The following MTM1 variants were observed in gnomAD, a reference collection of about 807,000 sequenced individuals.
The protein encoded by MTM1 is myotubularin 1, also known as myotubularin.
Under a neutral mutation model 52.1 loss-of-function variants are expected in MTM1, and 9 were observed. The ratio of observed to expected loss-of-function variants is 0.17; its 90% CI spans 0.10 to 0.30. The LOEUF (loss-of-function observed/expected upper bound fraction) is 0.30, where lower values mean the gene tolerates loss of function less well. Among genes scored for constraint, MTM1 ranks in the 10% least tolerant of loss-of-function variants. MTM1 has a pLI of 1.00. For missense variants in MTM1, 277 were observed against 470.7 expected (o/e 0.59, Z 3.81); for synonymous variants, 136 against 163.8 (o/e 0.83, Z 1.29).
chrX:150,641,767 G>C (rs2039853616), intron 8 of MTM1, among the ~76,000 whole-genome samples: 1 of 111,524 alleles, frequency 9.0e-6, no homozygotes, highest in Non-Finnish European at 1.9e-5. Flanking sequence ...ATAGGCTCTT[G>C]ATAAATGTCA....
chrX:150,590,163 A>G (rs1418994401), intron 1 of MTM1, among the ~76,000 whole-genome samples: 1 of 111,870 alleles, frequency 8.9e-6, no homozygotes, highest in African/African-American at 3.3e-5. Context: ...TCCAGCTTCT[A>G]TAATCTTCAG....
chrX:150,569,193 A>G (rs2038319098), intron 1 of MTM1, among the ~76,000 whole-genome samples: 1 of 113,440 alleles, frequency 8.8e-6, no homozygotes, highest in Non-Finnish European at 1.9e-5. Context: ...TCTGTGTCAT[A>G]CACGAGAGGT....
intron 5 of MTM1, among the ~76,000 whole-genome samples, chrX:150,618,560 A>G (rs1182632877): frequency 9.0e-6 from 1 of 111,206 alleles, no homozygotes; most frequent in Non-Finnish European, 1.9e-5. Flanking sequence ...AGGCTGAGGC[A>G]CGAGAATCCC....
intron 6 of MTM1, among the ~76,000 whole-genome samples, chrX:150,627,712 T>A (rs999280746): frequency 6.3e-5 from 7 of 111,770 alleles, no homozygotes; most frequent in African/African-American, 2.3e-4. Context: ...TGTGGGTGTG[T>A]CTTGTGATTA....
upstream of MTM1, among the ~76,000 whole-genome samples, chrX:150,566,176 C>G (rs2038260246): frequency 9.0e-6 from 1 of 111,548 alleles, no homozygotes; most frequent in Admixed American, 9.5e-5. Flanking sequence ...CACTCTGTCA[C>G]CCAGGCTGAA....
At chrX:150,595,297 C>T (rs2148429172) in intron 2 of MTM1, among the ~76,000 whole-genome samples, 1 of 110,889 alleles carries the variant, frequency 9.0e-6, no homozygotes. Context: ...CCCGTCTCTA[C>T]TCAAAATGCA....
chrX:150,606,838 C>G (rs1193555190), intron 4 of MTM1, among the ~76,000 whole-genome samples: 1 of 101,794 alleles, frequency 9.8e-6, no homozygotes, highest in Non-Finnish European at 2.0e-5. Context: ...CCCTTTCTTC[C>G]CTTCCTTCCC....
intron 6 of MTM1, among the ~76,000 whole-genome samples, chrX:150,619,479 A>G (rs189545546): frequency 8.9e-6 from 1 of 112,206 alleles, no homozygotes; most frequent in Non-Finnish European, 1.9e-5. Flanking sequence ...TATTTTTGAA[A>G]AGAATAACCT....
chrX:150,563,177 A>T, the MTM1 span, among the ~76,000 whole-genome samples: 2 of 110,254 alleles, frequency 1.8e-5, no homozygotes, highest in African/African-American at 6.6e-5. Context: ...CTCCCCTTCA[A>T]GACCCCAGTC....
chrX:150,653,166 CAG>C (rs1188593129), intron 10 of MTM1, among the ~76,000 whole-genome samples: 64 of 111,616 alleles, frequency 5.7e-4, no homozygotes, highest in African/African-American at 2.1e-3. Context: ...ATATCTGACT[CAG>C]GGCTTCTCAG....
At chrX:150,582,023 T>C (rs1453705693) in intron 1 of MTM1, among the ~76,000 whole-genome samples, 1 of 112,051 alleles carries the variant, frequency 8.9e-6, no homozygotes, top group African/African-American at 3.2e-5. Flanking sequence ...TATTTAACCT[T>C]TTTTATACAT....
upstream of MTM1, among the ~76,000 whole-genome samples, chrX:150,568,081 G>A (rs1557411287): frequency 8.9e-6 from 1 of 112,285 alleles, no homozygotes; most frequent in African/African-American, 3.2e-5. Context: ...TTGAGTTTGT[G>A]AATTGCAGAT....
intron 14 of MTM1, among the ~76,000 whole-genome samples, chrX:150,667,256 G>A (rs782590329): frequency 3.6e-5 from 4 of 111,423 alleles, no homozygotes; most frequent in Non-Finnish European, 7.5e-5. Flanking sequence ...AGCCAGACTG[G>A]CCTCTGCTCT....
chrX:150,605,370 A>T (rs986319879), intron 4 of MTM1, among the ~76,000 whole-genome samples: 1 of 112,389 alleles, frequency 8.9e-6, no homozygotes, highest in African/African-American at 3.2e-5. Context: ...AGGGTGAGAA[A>T]CATGTTGGAT....
intron 7 of MTM1, among the ~76,000 whole-genome samples, chrX:150,640,613 T>C (rs1557413824): frequency 2.7e-5 from 3 of 111,953 alleles, no homozygotes; most frequent in African/African-American, 9.8e-5. Flanking sequence ...AGGTGTCTTC[T>C]GTGTCTCCCT....
chrX:150,618,906 A>G, intron 5 of MTM1, 132 bp from the exon 6 acceptor site: 1 of 541,359 alleles, frequency 1.8e-6, no homozygotes, highest in South Asian at 2.5e-5. Context: ...AAACAAAGCA[A>G]TTTTGTAATA....
At chrX:150,576,651 C>G (rs5969959) in intron 1 of MTM1, among the ~76,000 whole-genome samples, 30,762 of 110,732 alleles carry the variant, frequency 0.28, 3,399 homozygotes, top group South Asian at 0.51. Context: ...TCTTTCCCCC[C>G]CGTAGATGAT....
intron 4 of MTM1, among the ~76,000 whole-genome samples, chrX:150,612,462 CAGG>C (rs1467157549): frequency 2.7e-5 from 3 of 111,617 alleles, no homozygotes; most frequent in African/African-American, 9.8e-5. Context: ...GAGGCCAAGG[CAGG>C]AGGATTGCTT....
At chrX:150,650,537 T>C (rs978132616) in intron 10 of MTM1, among the ~76,000 whole-genome samples, 2 of 111,411 alleles carry the variant, frequency 1.8e-5, no homozygotes, top group Non-Finnish European at 3.8e-5. Flanking sequence ...CTGCAAGTGG[T>C]GGCATGCTCT....
Sources: gnomAD v4.1 joint callset for allele counts (sites outside exome capture counted in the v4.1 genomes callset) on GRCh38, gnomAD v4.1.1 for gene constraint, MANE v1.5 for transcripts, NCBI Gene and HGNC (gene_info 2026-07-23, HGNC 2026-07-21) for gene names.